DRG2: variants seen among roughly 807,000 people sequenced by gnomAD.
DRG2 encodes developmentally regulated GTP binding protein 2, also known as developmentally-regulated GTP-binding protein 2.
DRG2 carries 36 observed loss-of-function variants against 53.4 expected under a neutral mutation model. The observed-to-expected ratio is 0.67, with a 90% CI of 0.52 to 0.89. DRG2 has a LOEUF of 0.89. Among genes scored for constraint, DRG2 ranks in the 40% least tolerant of loss-of-function variants. The pLI is 0.00. For missense variants in DRG2, 342 were observed against 481.2 expected, an observed-to-expected ratio of 0.71 and a Z score of 2.71; for synonymous variants, 167 against 192.1, an observed-to-expected ratio of 0.87 and a Z score of 1.08.
In DRG2 at chr17:18,100,149, C is replaced by A. The variant is rs1321355529; in HGVS notation, c.468-214C>A. 1.1e-5 allele frequency: 7 copies of A among 611,630 alleles called. No homozygotes were observed. In the East Asian group the frequency reaches 1.9e-4, roughly 17 times the overall value. 37.9% of individuals were successfully genotyped at this position (611,630 alleles called of 1,614,324 possible). ...CCACCACTTGCCTGTGCATGCCGAC[C>A]GTAAACCGGGCCAGTCCCCTCTGGG... On this transcript the variant is annotated intron_variant, in intron 5 of 12. Transcript: ENST00000225729. This position sits in a 1 kb window ranked among gnomAD's most constrained non-coding sequence, Gnocchi z 4.1.
chr17:18,107,079 C>T, intron 12 of DRG2, 75 bp from the exon 13 acceptor site: 2 of 1,396,776 alleles, frequency 1.4e-6, no homozygotes, highest in South Asian at 1.2e-5. Flanking sequence ...TCAGGACACA[C>T]ACGCCCAGGG....
Position 18,098,429 on chromosome 17 carries a change from C to T in DRG2, c.315+70C>T. ...GTGTTTGGACTTGTGCCTGTGCCCA[C>T]CCTGTGTGTGAGTCTGGGTGGATGT... On this transcript the variant is annotated intron_variant, in intron 3 of 12. Transcript: ENST00000225729. The surrounding 1 kb of genome is among the most constrained non-coding windows in gnomAD (Gnocchi z 4.1). 7.1e-7 allele frequency: 1 copy of T among 1,413,512 alleles called. No homozygotes were observed. The highest frequency in any genetic ancestry group is 1.0e-6 in the Non-Finnish European group (1 of 1,000,672). The allele number at this position is 1,413,512 out of a possible 1,614,324, so 87.6% of individuals were successfully genotyped here.
chr17:18,104,497 G>A, intron 10 of DRG2, 126 bp from the exon 11 acceptor site: 4 of 1,520,716 alleles, frequency 2.6e-6, no homozygotes, highest in Non-Finnish European at 3.5e-6. Flanking sequence ...GGATGTCAGG[G>A]GGAGGTTAGG....
At position 18,107,429 on chromosome 17, in the gene DRG2, T is replaced by C. The variant is rs2045663105; in HGVS notation, c.*189T>C. Reference sequence around the variant, plus strand: ...AGTGTGTTGGGGCAAAGGGGCTCGGTTGGAGGCATTTCCCATAAGACTGAG... The same window carrying C: ...AGTGTGTTGGGGCAAAGGGGCTCGGCTGGAGGCATTTCCCATAAGACTGAG... On this transcript the variant is annotated 3_prime_UTR_variant, in exon 13 of 13. Transcript: ENST00000225729. 3.2e-6 allele frequency: 2 copies of C among 622,146 alleles called. No individual in the cohort carries two copies. Among genetic ancestry groups the C allele is most frequent in the Admixed American group, 2.7e-5 (1 of 36,748 alleles). The allele number at this position is 622,146 out of a possible 1,614,324, so 38.5% of individuals were successfully genotyped here.
chr17:18,088,879 TG>T (rs1455125302), intron 1 of DRG2, among the ~76,000 whole-genome samples: 1 of 152,058 alleles, frequency 6.6e-6, no homozygotes, highest in Non-Finnish European at 1.5e-5. Flanking sequence ...GTATCCCAGG[TG>T]GGGGCCACTG....
rs774208751 is a variant in DRG2 at position 18,099,616 on chromosome 17, C to T, written c.377-17C>T. 6 of 1,594,448 alleles carry T rather than the reference C, an allele frequency of 3.8e-6. No homozygotes were observed. In the South Asian group the frequency reaches 6.9e-5, roughly 18 times the overall value. Reference sequence around the variant, plus strand: ...CATGGGTCCACATATGTAACTGCATCCCTCACACCCATCCAGGAAAAGGCC... The same window carrying T: ...CATGGGTCCACATATGTAACTGCATTCCTCACACCCATCCAGGAAAAGGCC... On this transcript the variant is annotated splice_polypyrimidine_tract_variant and intron_variant, in intron 4 of 12. Transcript: ENST00000225729. This position sits in a 1 kb window ranked among gnomAD's most constrained non-coding sequence, Gnocchi z 4.4.
At position 18,100,650 on chromosome 17, in the gene DRG2, C is replaced by T. The variant is rs767155155; in HGVS notation, c.622C>T (p.His208Tyr). Residue 208 changes from histidine to tyrosine, a missense_variant, in exon 7 of 13, where the codon CAC becomes TAC. Transcript: ENST00000225729. This position sits in a 1 kb window ranked among gnomAD's most constrained non-coding sequence, Gnocchi z 4.1. ...GGAAAAGCTGGTGCAGCTCATCCTGCACGAATACAGTATCCTTCCCTGAAA... is the reference window on the plus strand; with the variant it reads ...GGAAAAGCTGGTGCAGCTCATCCTGTACGAATACAGTATCCTTCCCTGAAA... ...CSEKLVQLIL[H>Y]EYKIFNAEVL... The T allele has an allele frequency of 4.4e-5, 71 of 1,613,786 alleles. No individual in the cohort carries two copies. Among genetic ancestry groups the T allele is most frequent in the Non-Finnish European group, 5.6e-5 (66 of 1,179,956 alleles).
intron 2 of DRG2, chr17:18,094,258 G>A (rs755404958): frequency 3.2e-6 from 1 of 317,298 alleles, no homozygotes; most frequent in Non-Finnish European, 6.0e-6. Context: ...ACTGTGCCAG[G>A]GACTAGAGAC....
In DRG2 at chr17:18,099,254, G is replaced by A; in HGVS notation, c.376+177G>A. ...AAACTAGCCTTGTGATCTTGGGCAA[G>A]TGATTGGGTATCTCTAAGCCAAGCC... is the stretch of plus-strand genomic sequence containing the variant. On this transcript the variant is annotated intron_variant, in intron 4 of 12. Transcript: ENST00000225729. The surrounding 1 kb of genome is among the most constrained non-coding windows in gnomAD (Gnocchi z 4.4). 3 of 757,908 alleles carry A rather than the reference G, an allele frequency of 4.0e-6. No homozygotes were observed. Among genetic ancestry groups the A allele is most frequent in the Non-Finnish European group, 6.4e-6 (3 of 471,518 alleles). 46.9% of individuals were successfully genotyped at this position (757,908 alleles called of 1,614,324 possible).
rs1364903971 is a variant in DRG2, at chr17:18,103,891, T to A, written c.895+2T>A. 6.2e-7 allele frequency: 1 copy of A among 1,613,728 alleles called. No individual in the cohort carries two copies. On this transcript the variant is annotated splice_donor_variant, in intron 10 of 12. Transcript: ENST00000225729. LOFTEE classifies it high-confidence loss of function. This position sits in a 1 kb window ranked among gnomAD's most constrained non-coding sequence, Gnocchi z 4.4. Reference sequence around the variant, plus strand: ...GCATCTACACCAAGAAGAGAGGACGTGAGTTGCACTGCGCGTAGCTGAAAA... The same window carrying A: ...GCATCTACACCAAGAAGAGAGGACGAGAGTTGCACTGCGCGTAGCTGAAAA...
intron 1 of DRG2, among the ~76,000 whole-genome samples, chr17:18,090,406 A>ATTTATTT: frequency 4.4e-5 from 1 of 22,704 alleles, no homozygotes; most frequent in Non-Finnish European, 7.3e-5. Context: ...ATATATATAT[A>ATTTATTT]TTTTTTTTTT....
At chr17:18,090,835 C>T (rs113015024) in intron 1 of DRG2, among the ~76,000 whole-genome samples, 6,496 of 147,850 alleles carry the variant, frequency 0.044, 387 homozygotes, top group African/African-American at 0.15. Flanking sequence ...CCCACCCGGC[C>T]AATTTTTATG....
At chr17:18,091,036 C>T (rs1051641915) in intron 1 of DRG2, among the ~76,000 whole-genome samples, 3 of 151,982 alleles carry the variant, frequency 2.0e-5, no homozygotes, top group Admixed American at 6.6e-5. Flanking sequence ...TAAAATATTT[C>T]CTGTGTGCCT....
intron 1 of DRG2, among the ~76,000 whole-genome samples, chr17:18,090,212 G>GA (rs1385491410): frequency 0.01 from 369 of 35,588 alleles, 6 homozygotes; most frequent in African/African-American, 0.039. Flanking sequence ...TTTTTTTTTT[G>GA]AGACAGTCTT....
chr17:18,099,807 T>A lies in DRG2; in HGVS notation c.467+84T>A. ...GAGCTCGTACTAGGCGGCCTGTGGG[T>A]GTTTGGCTCTCTCACACGTGAGAGT... On this transcript the variant is annotated intron_variant, in intron 5 of 12. Transcript: ENST00000225729. The surrounding 1 kb of genome is among the most constrained non-coding windows in gnomAD (Gnocchi z 4.4). 7.2e-7 allele frequency: 1 copy of A among 1,394,626 alleles called. No individual in the cohort carries two copies. Among genetic ancestry groups the A allele is most frequent in the South Asian group, 1.3e-5 (1 of 78,516 alleles). 86.4% of individuals were successfully genotyped at this position (1,394,626 alleles called of 1,614,324 possible).
Position 18,099,841 on chromosome 17 carries a change from G to A in DRG2, c.467+118G>A, listed in dbSNP as rs1250159710. The A allele has an allele frequency of 9.7e-7, 1 of 1,035,266 alleles. No individual in the cohort carries two copies. Among genetic ancestry groups the A allele is most frequent in the Non-Finnish European group, 1.4e-6 (1 of 697,126 alleles). The allele number at this position is 1,035,266 out of a possible 1,614,324, so 64.1% of individuals were successfully genotyped here. On this transcript the variant is annotated intron_variant, in intron 5 of 12. Transcript: ENST00000225729. This position sits in a 1 kb window ranked among gnomAD's most constrained non-coding sequence, Gnocchi z 4.4. The stretch of plus-strand genomic sequence containing the variant: ...CTCTCACACGTGAGAGTAGTGGTAG[G>A]ACTTGTCACAGACTAAACCCAACAC...
intron 2 of DRG2, chr17:18,095,455 C>CA (rs1334810587): frequency 7.5e-6 from 1 of 132,928 alleles, no homozygotes; most frequent in African/African-American, 2.9e-5. Flanking sequence ...AGTACAATGG[C>CA]ACGATCTCAG....
At chr17:18,090,373 TA>T (rs1567597860) in intron 1 of DRG2, among the ~76,000 whole-genome samples, 127 of 10,848 alleles carry the variant, frequency 0.012, 9 homozygotes, top group South Asian at 0.064. Flanking sequence ...CTAATTTATA[TA>T]TATATATATA....
intron 8 of DRG2, 112 bp from the exon 9 acceptor site, chr17:18,101,809 C>T (rs558033937): frequency 3.2e-4 from 416 of 1,296,952 alleles, no homozygotes; most frequent in Admixed American, 4.7e-4. Flanking sequence ...GGAGGAAGGG[C>T]GTAGACTCAG....
Sources: allele counts gnomAD v4.1 joint callset (sites outside exome capture counted in the v4.1 genomes callset), GRCh38; gene constraint gnomAD v4.1.1; non-coding constraint Gnocchi (gnomAD v3.1); transcripts MANE v1.5; gene names NCBI Gene and HGNC (gene_info 2026-07-23, HGNC 2026-07-21).